ABCB9: variants seen among roughly 807,000 people sequenced by gnomAD.
The protein encoded by ABCB9 is ATP binding cassette subfamily B member 9.
In ABCB9, 36 loss-of-function variants were observed where a neutral mutation model predicts 62.0. That is an observed-to-expected ratio of 0.58 (90% confidence interval 0.45 to 0.77). The LOEUF (loss-of-function observed/expected upper bound fraction) is 0.77. Ranked by LOEUF, ABCB9 falls within the 30% of genes least tolerant of loss-of-function variation. The pLI is 0.00. For missense variants in ABCB9, 943 were observed against 1,054.7 expected, an observed-to-expected ratio of 0.89 and a Z score of 1.47; for synonymous variants, 435 against 461.4, an observed-to-expected ratio of 0.94 and a Z score of 0.73.
chr12:122,925,817 A>G (rs1566146908), downstream of ABCB9, among the ~76,000 whole-genome samples: 1 of 152,252 alleles, frequency 6.6e-6, no homozygotes, highest in Non-Finnish European at 1.5e-5. Flanking sequence ...TACTATTCAC[A>G]ATAGCCCAAA....
chr12:122,965,686 C>T (rs759322796), intron 1 of ABCB9, among the ~76,000 whole-genome samples: 1 of 152,012 alleles, frequency 6.6e-6, no homozygotes, highest in Non-Finnish European at 1.5e-5. Flanking sequence ...CCTGTCAGCC[C>T]AGCTTAAAGC....
chr12:122,936,279 T>C (rs1193871540), intron 9 of ABCB9, among the ~76,000 whole-genome samples: 1 of 152,194 alleles, frequency 6.6e-6, no homozygotes, highest in Non-Finnish European at 1.5e-5. Flanking sequence ...GATATATTTC[T>C]ATAAAGATAG....
chr12:122,971,154 G>A (rs1003366942), upstream of ABCB9, among the ~76,000 whole-genome samples: 4 of 151,934 alleles, frequency 2.6e-5, no homozygotes, highest in South Asian at 2.1e-4. Context: ...AGGCCAAGGC[G>A]GGTGGATCAC....
At chr12:122,965,379 C>T (rs1041539219) in intron 1 of ABCB9, among the ~76,000 whole-genome samples, 2 of 152,216 alleles carry the variant, frequency 1.3e-5, no homozygotes, top group Non-Finnish European at 2.9e-5. Flanking sequence ...CCATTCCATT[C>T]GCTGCGCAGC....
Position 122,935,274 on chromosome 12 carries a change from G to A in ABCB9, c.1901C>T (p.Thr634Ile). The A allele has an allele frequency of 6.2e-7, 1 of 1,606,452 alleles. No individual in the cohort carries two copies. The highest frequency in any genetic ancestry group is 8.5e-7 in the Non-Finnish European group (1 of 1,176,026). The change falls in exon 10 of 12, where the codon ACA (threonine) becomes ATA (isoleucine). Residue 634 changes from threonine to isoleucine, a missense_variant and splice_region_variant. Coordinates refer to ENST00000280560, the MANE Select transcript of ABCB9 (RefSeq NM_019625.4). ...AGGGGCCACCCCCAGCTCCACACCT[G>A]TGCTGTAGCCGTCCTGGAGTTCCAT... Reference protein sequence around the residue: ...FIMELQDGYSTETGEKGAQLS... With the variant: ...FIMELQDGYSIETGEKGAQLS...
intron 9 of ABCB9, among the ~76,000 whole-genome samples, chr12:122,938,370 C>CA (rs1324521769): frequency 2.0e-5 from 3 of 151,570 alleles, no homozygotes; most frequent in African/African-American, 4.9e-5. Context: ...CACATTTCTA[C>CA]AAAAAAATAA....
intron 2 of ABCB9, chr12:122,951,453 C>T (rs906341975): frequency 6.6e-6 from 1 of 152,020 alleles, no homozygotes; most frequent in Non-Finnish European, 1.5e-5. Context: ...TCTCTAACTC[C>T]TGGGCTCAAG....
rs771236759 is a variant in ABCB9 at position 122,940,296 on chromosome 12, A to C, written c.1570-12T>G. On this transcript the variant is annotated splice_polypyrimidine_tract_variant and intron_variant, in intron 8 of 11. Transcript: ENST00000280560. This position sits in a 1 kb window ranked among gnomAD's most constrained non-coding sequence, Gnocchi z 4.8. ...CTGAAGGAGACATTCTGCAAAGAACACACAGGCACAGTGCGGGGTTATCGG... is the reference window on the plus strand; with the variant it reads ...CTGAAGGAGACATTCTGCAAAGAACCCACAGGCACAGTGCGGGGTTATCGG... The C allele has an allele frequency of 6.3e-7, 1 of 1,575,590 alleles. No individual in the cohort carries two copies. The highest frequency in any genetic ancestry group is 1.4e-5 in the African/African-American group (1 of 74,060).
At chr12:122,963,739 C>G (rs2037031765) in intron 1 of ABCB9, among the ~76,000 whole-genome samples, 1 of 152,162 alleles carries the variant, frequency 6.6e-6, no homozygotes, top group African/African-American at 2.4e-5. Context: ...TAACAACCTC[C>G]AAGCCTGGGC....
downstream of ABCB9, among the ~76,000 whole-genome samples, chr12:122,926,000 T>C (rs369423983): frequency 2.2e-4 from 34 of 152,102 alleles, no homozygotes; most frequent in African/African-American, 7.7e-4. Flanking sequence ...GGCCACGTAG[T>C]ATAGGGTTCC....
At position 122,959,641 on chromosome 12, in the gene ABCB9, C is replaced by A; in HGVS notation, c.595G>T (p.Ala199Ser). Residue 199 changes from alanine (A) to serine (S), a missense_variant, in exon 2 of 12, where the codon GCT (alanine) becomes TCT (serine). Physicochemically the swap from Ala to Ser is moderately conservative, Grantham distance 99. Coordinates refer to ENST00000280560, the MANE Select transcript of ABCB9 (RefSeq NM_019625.4). This position sits in a 1 kb window ranked among gnomAD's most constrained non-coding sequence, Gnocchi z 5.4. ...CCCCGAGGTCCTTACTTACCCAGAG[C>A]TGCCACGATGAGGAAGAAGGAGGCG... ...VAASFFLIVA[A>S]LGETFLPYYT... The A allele has an allele frequency of 6.4e-7, 1 of 1,556,430 alleles. No individual in the cohort carries two copies. The highest frequency in any genetic ancestry group is 8.7e-7 in the Non-Finnish European group (1 of 1,147,332).
rs1478902435 is a variant in ABCB9, at chr12:122,944,373, G to GAC, written c.1380+16_1380+17dup. Reference sequence around the variant, plus strand: ...CTCCTCCCTTCTCTCTGGATCCCCGGACACACTGGCCTCTCACCTCCATAC... The same window carrying GAC: ...CTCCTCCCTTCTCTCTGGATCCCCGGACACACACTGGCCTCTCACCTCCATAC... On this transcript the variant is annotated intron_variant, in intron 7 of 11. Coordinates refer to ENST00000280560, the MANE Select transcript of ABCB9 (RefSeq NM_019625.4). The surrounding 1 kb of genome is among the most constrained non-coding windows in gnomAD (Gnocchi z 4.9). The GAC allele has an allele frequency of 6.2e-7, 1 of 1,606,784 alleles. No individual in the cohort carries two copies. Among genetic ancestry groups the GAC allele is most frequent in the Non-Finnish European group, 8.5e-7 (1 of 1,175,352 alleles).
chr12:122,968,197 A>G (rs2037229010), upstream of ABCB9, among the ~76,000 whole-genome samples: 1 of 152,192 alleles, frequency 6.6e-6, no homozygotes, highest in African/African-American at 2.4e-5. Flanking sequence ...ACAAAGGCAA[A>G]TATCTAATTG....
In ABCB9 at chr12:122,932,543, C is replaced by T. The variant is rs2035234988; in HGVS notation, c.1904-215G>A. On this transcript the variant is annotated intron_variant, in intron 10 of 11. Coordinates refer to ENST00000280560, the MANE Select transcript of ABCB9 (RefSeq NM_019625.4). This position sits in a 1 kb window ranked among gnomAD's most constrained non-coding sequence, Gnocchi z 4.7. Reference sequence around the variant, plus strand: ...AGCAAGTTACCAATTTTCACTCATTCATTTGGCAGAAACCCAAACATCTGA... The same window carrying T: ...AGCAAGTTACCAATTTTCACTCATTTATTTGGCAGAAACCCAAACATCTGA... Among the ~76,000 whole-genome samples, 1 of 152,250 alleles carries T rather than the reference C, an allele frequency of 6.6e-6. No homozygotes were observed. The highest frequency in any genetic ancestry group is 2.4e-5 in the African/African-American group (1 of 41,468).
intron 2 of ABCB9, chr12:122,953,186 C>T (rs1362269537): frequency 1.3e-5 from 2 of 152,088 alleles, no homozygotes; most frequent in African/African-American, 4.8e-5. Context: ...TGGGCTAGTC[C>T]TTCTGCCTGG....
chr12:122,971,386 CAAAA>C (rs1325058090), upstream of ABCB9, among the ~76,000 whole-genome samples: 2 of 53,938 alleles, frequency 3.7e-5, no homozygotes, highest in Admixed American at 2.2e-4. Flanking sequence ...GACTCCATCT[CAAAA>C]AAAAAAAAAA....
At chr12:122,931,141 C>T (rs1308246014) in intron 11 of ABCB9, among the ~76,000 whole-genome samples, 1 of 152,088 alleles carries the variant, frequency 6.6e-6, no homozygotes, top group Non-Finnish European at 1.5e-5. Context: ...TCTCCTGCCT[C>T]AGCCTCCCAA....
chr12:122,924,899 C>T (rs79976213), downstream of ABCB9: 14,287 of 1,351,722 alleles, frequency 0.011, 1,147 homozygotes, highest in African/African-American at 0.18. Flanking sequence ...TCTCCACACC[C>T]ACCAGGATGG....
chr12:122,965,503 T>C (rs1431357203), intron 1 of ABCB9, among the ~76,000 whole-genome samples: 1 of 152,188 alleles, frequency 6.6e-6, no homozygotes, highest in East Asian at 1.9e-4. Context: ...TCATCCCTGC[T>C]GAGCCTCTGG....
Sources: allele counts gnomAD v4.1 joint callset (sites outside exome capture counted in the v4.1 genomes callset), GRCh38; gene constraint gnomAD v4.1.1; non-coding constraint Gnocchi (gnomAD v3.1); transcripts MANE v1.5; gene names NCBI Gene and HGNC (gene_info 2026-07-23, HGNC 2026-07-21).